FAM120B: variants seen among roughly 807,000 people sequenced by gnomAD.
FAM120B encodes constitutive coactivator of peroxisome proliferator-activated receptor gamma.
FAM120B carries 83 observed loss-of-function variants against 96.3 expected under a neutral mutation model. The ratio of observed to expected loss-of-function variants is 0.86; its 90% CI spans 0.72 to 1.03. The LOEUF (loss-of-function observed/expected upper bound fraction) is 1.03, where lower values mean the gene tolerates loss of function less well. Ranked by LOEUF, FAM120B falls within the 50% of genes least tolerant of loss-of-function variation. The pLI is 0.00. For synonymous variants in FAM120B, 407 were observed against 402.7 expected (o/e 1.01, Z -0.13); for missense variants, 1,027 against 1,121.2 (o/e 0.92, Z 1.20).
chr6:170,368,036 G>C (rs1231156710), intron 6 of FAM120B, among the ~76,000 whole-genome samples: 2 of 152,156 alleles, frequency 1.3e-5, no homozygotes, highest in African/African-American at 4.8e-5. Context: ...CATAATAATT[G>C]TGCATATTTA....
chr6:170,378,981 G>A (rs979753539), intron 6 of FAM120B, among the ~76,000 whole-genome samples: 10 of 152,242 alleles, frequency 6.6e-5, no homozygotes, highest in Non-Finnish European at 1.3e-4. Context: ...AGCAAGGGAC[G>A]GGGCCGGAGC....
At chr6:170,291,980 T>C (rs1783889158), upstream of FAM120B, among the ~76,000 whole-genome samples, 1 of 152,198 alleles carries the variant, frequency 6.6e-6, no homozygotes, top group Admixed American at 6.5e-5. Context: ...TTCGCGTGGC[T>C]GTCATTAAGG....
chr6:170,294,805 G>C (rs992190807), upstream of FAM120B, among the ~76,000 whole-genome samples: 1 of 152,180 alleles, frequency 6.6e-6, no homozygotes, highest in African/African-American at 2.4e-5. This position sits in a 1 kb window ranked among gnomAD's most constrained non-coding sequence, Gnocchi z 7.9. Context: ...GTGTAAACAA[G>C]TCTGGAGACT....
intron 1 of FAM120B, among the ~76,000 whole-genome samples, chr6:170,310,781 G>GC (rs1204537475): frequency 6.6e-6 from 1 of 152,204 alleles, no homozygotes; most frequent in African/African-American, 2.4e-5. Context: ...ATGTGTTACA[G>GC]CCCCCAACCA....
chr6:170,291,927 C>G (rs1225772954), upstream of FAM120B, among the ~76,000 whole-genome samples: 1 of 152,236 alleles, frequency 6.6e-6, no homozygotes, highest in Non-Finnish European at 1.5e-5. Context: ...GTATCCCCCT[C>G]GGCCTCCCTC....
At chr6:170,299,084 A>G (rs1409532566) in intron 1 of FAM120B, among the ~76,000 whole-genome samples, 1 of 152,048 alleles carries the variant, frequency 6.6e-6, no homozygotes, top group Non-Finnish European at 1.5e-5. Flanking sequence ...TTGCTTTTCC[A>G]TTTTCTGAAA....
chr6:170,345,908 A>G (rs4710717), intron 4 of FAM120B, among the ~76,000 whole-genome samples: 49,400 of 152,182 alleles, frequency 0.32, 9,386 homozygotes, highest in East Asian at 0.9. Flanking sequence ...TGATTCTCTC[A>G]TGAGAACATC....
intron 6 of FAM120B, among the ~76,000 whole-genome samples, chr6:170,359,318 G>T (rs1201987476): frequency 1.3e-5 from 2 of 151,866 alleles, no homozygotes; most frequent in African/African-American, 4.8e-5. Flanking sequence ...GCTTGAAACT[G>T]GGAGGCAGAG....
chr6:170,365,291 T>C (rs1244362530), intron 6 of FAM120B, among the ~76,000 whole-genome samples: 1 of 152,212 alleles, frequency 6.6e-6, no homozygotes, highest in African/African-American at 2.4e-5. Flanking sequence ...AGGACGAGGA[T>C]TCATGCTGGC....
In FAM120B at chr6:170,318,389, A is replaced by G. The variant is rs776412313; in HGVS notation, c.999A>G (p.Ser333=). The stretch of plus-strand genomic sequence containing the variant: ...ACAAACAAGTAATATCCACGAGTTC[A>G]GACGCCGAATCCAGGGAAGAAGTTC... ...TLDKQVISTS[S]DAESREEVPM... The change falls in exon 2 of 11, where the codon TCA becomes TCG. Residue 333 remains serine (S), a synonymous_variant. Coordinates refer to ENST00000476287, the MANE Select transcript of FAM120B (RefSeq NM_032448.3). 6.2e-7 allele frequency: 1 copy of G among 1,613,996 alleles called. No homozygotes were observed.
rs145606614 is a variant in FAM120B at position 170,318,749 on chromosome 6, A to G, written c.1359A>G (p.Thr453=). 3.4e-4 allele frequency: 552 copies of G among 1,610,406 alleles called. 7 individuals carry two copies. The African/African-American group carries it at 6.8e-3, about 20-fold the overall frequency. ...CCAGGCAAGAAGTTCCCATGTATAC[A>G]GGCTCTGAACCCAGGCAAGAAGTTC... The part of the protein sequence containing the change: ...SEPRQEVPMY[T]GSEPRQEVPM... Residue 453 remains threonine, a synonymous_variant, in exon 2 of 11, where the codon ACA becomes ACG. Coordinates refer to ENST00000476287, the MANE Select transcript of FAM120B (RefSeq NM_032448.3).
intron 3 of FAM120B, among the ~76,000 whole-genome samples, chr6:170,326,984 ATC>A (rs1562530569): frequency 1.3e-5 from 2 of 151,950 alleles, no homozygotes; most frequent in Non-Finnish European, 1.5e-5. Flanking sequence ...ACCTCAAGAT[ATC>A]CCCCACGTCA....
chr6:170,341,770 A>G (rs995846102), intron 4 of FAM120B, among the ~76,000 whole-genome samples: 5 of 152,136 alleles, frequency 3.3e-5, no homozygotes, highest in African/African-American at 7.2e-5. Flanking sequence ...GGGTGAGGCA[A>G]CACCCCACCC....
chr6:170,343,533 C>T (rs1786976108), intron 4 of FAM120B, among the ~76,000 whole-genome samples: 1 of 152,042 alleles, frequency 6.6e-6, no homozygotes, highest in Non-Finnish European at 1.5e-5. Context: ...ATTTTTCCTA[C>T]TCTGGTGATT....
chr6:170,374,761 C>G (rs1325748915), intron 6 of FAM120B, among the ~76,000 whole-genome samples: 1 of 152,222 alleles, frequency 6.6e-6, no homozygotes. Context: ...AGGATGGCAT[C>G]TGTTAGATGA....
chr6:170,376,466 G>A (rs1359601817), intron 6 of FAM120B, among the ~76,000 whole-genome samples: 1 of 150,890 alleles, frequency 6.6e-6, no homozygotes, highest in African/African-American at 2.4e-5. Flanking sequence ...AGATCATAGT[G>A]TCGAGGAACA....
chr6:170,401,101 C>T (rs1047784107), intron 9 of FAM120B, among the ~76,000 whole-genome samples: 20 of 152,166 alleles, frequency 1.3e-4, no homozygotes, highest in African/African-American at 2.2e-4. Context: ...TTTCCATAGG[C>T]GGAATTGTAG....
In FAM120B at chr6:170,317,613, G is replaced by A. The variant is rs1299308307; in HGVS notation, c.223G>A (p.Val75Ile). ...REYFSALRDF[V>I]KTFTAAGIKL... is the part of the protein sequence containing the mutation. Reference sequence around the variant, plus strand: ...ATACTTTTCTGCTTTGCGAGATTTTGTTAAAACTTTTACGGCAGCTGGGAT... The same window carrying A: ...ATACTTTTCTGCTTTGCGAGATTTTATTAAAACTTTTACGGCAGCTGGGAT... The change falls in exon 2 of 11, where the codon GTT (valine) becomes ATT (isoleucine). Residue 75 changes from valine to isoleucine, a missense_variant. By Grantham distance (29) the Val-to-Ile change is conservative. This residue lies in a region of FAM120B where 880 missense variants were observed against 980.9 expected (regional missense o/e 0.90). Transcript: ENST00000476287. 6.2e-7 allele frequency: 1 copy of A among 1,614,074 alleles called. No individual in the cohort carries two copies. Among genetic ancestry groups the A allele is most frequent in the East Asian group, 2.2e-5 (1 of 44,896 alleles).
chr6:170,393,827 G>A (rs1790593395), intron 8 of FAM120B, among the ~76,000 whole-genome samples: 1 of 152,126 alleles, frequency 6.6e-6, no homozygotes, highest in Admixed American at 6.5e-5. Context: ...GTTGGGGAAG[G>A]GCTGTAGGGA....
Sources: gnomAD v4.1 joint callset for allele counts (sites outside exome capture counted in the v4.1 genomes callset) on GRCh38, gnomAD v4.1.1 for gene constraint, gnomAD v4.1.1 regional missense constraint, Gnocchi (gnomAD v3.1) non-coding constraint, MANE v1.5 for transcripts, NCBI Gene and HGNC (gene_info 2026-07-23, HGNC 2026-07-21) for gene names.